The following ADAMTSL2 variants were observed in gnomAD, a reference collection of about 807,000 sequenced individuals.
ADAMTSL2 encodes ADAMTS like 2, also known as ADAMTS-like protein 2.
ADAMTSL2 carries 55 observed loss-of-function variants against 117.0 expected under a neutral mutation model. That is an observed-to-expected ratio of 0.47 (90% CI 0.38 to 0.59). The LOEUF is 0.59. ADAMTSL2 is among the 20% of genes least tolerant of loss of function. The probability of loss-of-function intolerance (pLI) is 0.00; values close to 1 mark genes in which losing one functional copy is unlikely to be tolerated. For synonymous variants in ADAMTSL2, 572 were observed against 566.4 expected (o/e 1.01, Z -0.14); for missense variants, 1,182 against 1,354.5 (o/e 0.87, Z 2.00).
Position 133,575,195 on chromosome 9 carries a change from G to A in ADAMTSL2, c.*331G>A, listed in dbSNP as rs1404663146. The A allele has an allele frequency of 5.2e-6, 2 of 384,788 alleles. No individual in the cohort carries two copies. The highest frequency in any genetic ancestry group is 2.1e-5 in the African/African-American group (1 of 48,678). 23.8% of individuals were successfully genotyped at this position (384,788 alleles called of 1,614,324 possible). A position where few individuals can be genotyped will look rare whatever the true frequency, so the allele number is the denominator to read the frequency against. On this transcript the variant is annotated 3_prime_UTR_variant, in exon 19 of 19. Transcript: ENST00000651351. The stretch of plus-strand genomic sequence containing the variant: ...GAGGGGCCCAGGGCCCACAGCCAGC[G>A]GTGGAGGTGTCTTGCTCCGGGCCCG...
At chr9:133,573,316 C>T (rs1170151886) in intron 17 of ADAMTSL2, among the ~76,000 whole-genome samples, 2 of 152,188 alleles carry the variant, frequency 1.3e-5, no homozygotes, top group African/African-American at 4.8e-5. Context: ...AGGGGAACAT[C>T]TGGACGGGGA....
chr9:133,561,264 C>G lies in ADAMTSL2; in HGVS notation c.1716C>G (p.Ser572=). The change falls in exon 12 of 19, where the codon TCC becomes TCG. Residue 572 remains serine, a synonymous_variant. Coordinates refer to ENST00000651351, the MANE Select transcript of ADAMTSL2 (RefSeq NM_014694.4). ...ACATGTACCGGTGGAAGCTCTCGTCCCACGAGCCCTGCAGTGCCACCTGCA... is the reference window on the plus strand; with the variant it reads ...ACATGTACCGGTGGAAGCTCTCGTCGCACGAGCCCTGCAGTGCCACCTGCA... ...PADMYRWKLS[S]HEPCSATCTT... The G allele has an allele frequency of 1.9e-6, 3 of 1,604,436 alleles. No homozygotes were observed. The highest frequency in any genetic ancestry group is 2.6e-6 in the Non-Finnish European group (3 of 1,176,002).
At position 133,554,689 on chromosome 9, in the gene ADAMTSL2, C is replaced by T; in HGVS notation, c.1272C>T (p.Phe424=). 6.7e-7 allele frequency: 1 copy of T among 1,488,672 alleles called. No individual in the cohort carries two copies. The highest frequency in any genetic ancestry group is 9.0e-7 in the Non-Finnish European group (1 of 1,117,158). 92.2% of individuals were successfully genotyped at this position (1,488,672 alleles called of 1,614,324 possible). The change falls in exon 10 of 19, where the codon TTC becomes TTT. Residue 424 remains phenylalanine, a synonymous_variant. Transcript: ENST00000651351. This position sits in a 1 kb window ranked among gnomAD's most constrained non-coding sequence, Gnocchi z 5.2. Reference sequence around the variant, plus strand: ...AGGGGCCCCCCAGGGGCAAGGGCTTCCGAGGTAACCAGGAGGAGGGAGGCA... The same window carrying T: ...AGGGGCCCCCCAGGGGCAAGGGCTTTCGAGGTAACCAGGAGGAGGGAGGCA... The part of the protein sequence containing the change: ...ACEGPPRGKG[F]RDRNVTGTPL...
At chr9:133,567,145 C>T (rs1830993494) in intron 13 of ADAMTSL2, 83 bp downstream of exon 13, 1 of 1,519,222 alleles carries the variant, frequency 6.6e-7, no homozygotes, top group African/African-American at 1.4e-5. Flanking sequence ...GACTTACCCC[C>T]TGCCCCGTAG....
chr9:133,536,833 T>A (rs1399417204), intron 2 of ADAMTSL2, 31 bp downstream of exon 2: 2 of 1,613,672 alleles, frequency 1.2e-6, no homozygotes, highest in East Asian at 2.2e-5. Context: ...TGAGGGCCCA[T>A]GCCAGTCCCC....
At chr9:133,556,359 T>A (rs1474509066) in intron 11 of ADAMTSL2, among the ~76,000 whole-genome samples, 1 of 152,022 alleles carries the variant, frequency 6.6e-6, no homozygotes, top group Non-Finnish European at 1.5e-5. Context: ...GAGCTAGCGG[T>A]GTATTCGAGG....
At position 133,534,761 on chromosome 9, in the gene ADAMTSL2, G is replaced by T. The variant is rs1462796053; in HGVS notation, c.-307G>T. On this transcript the variant is annotated 5_prime_UTR_variant, in exon 1 of 19. The change creates a new upstream start codon in the 5' untranslated region. Coordinates refer to ENST00000651351, the MANE Select transcript of ADAMTSL2 (RefSeq NM_014694.4). ...CTTGGATGCTCTTTGAAGTGGGAGA[G>T]GGAGGCGGCGCGGGGGAGGAGGGGA... 6.8e-7 allele frequency: 1 copy of T among 1,460,284 alleles called. No individual in the cohort carries two copies. Among genetic ancestry groups the T allele is most frequent in the South Asian group, 1.4e-5 (1 of 73,024 alleles). 90.5% of individuals were successfully genotyped at this position (1,460,284 alleles called of 1,614,324 possible).
Position 133,540,589 on chromosome 9 carries a change from C to T in ADAMTSL2, c.413-9C>T, listed in dbSNP as rs765655933. 3.1e-6 allele frequency: 5 copies of T among 1,613,168 alleles called. No individual in the cohort carries two copies. The South Asian group carries it at 4.4e-5, about 14-fold the overall frequency. On this transcript the variant is annotated splice_polypyrimidine_tract_variant and intron_variant, in intron 5 of 18. Coordinates refer to ENST00000651351, the MANE Select transcript of ADAMTSL2 (RefSeq NM_014694.4). ...GCTGAAACCTTCTGTCTTTGTCTCC[C>T]TCCACCAGATGACTATGTCCACATC...
intron 15 of ADAMTSL2, 151 bp downstream of exon 15, chr9:133,568,909 C>A: frequency 1.9e-6 from 2 of 1,032,920 alleles, no homozygotes; most frequent in East Asian, 2.6e-5. Flanking sequence ...TTATAGGAAT[C>A]AAAACTTCTC....
chr9:133,552,341 C>T (rs1034693746), intron 9 of ADAMTSL2, among the ~76,000 whole-genome samples: 3 of 151,736 alleles, frequency 2.0e-5, no homozygotes, highest in Admixed American at 6.6e-5. Flanking sequence ...GGTTGAATCT[C>T]TGCTCCTCTG....
Position 133,561,204 on chromosome 9 carries a change from G to T in ADAMTSL2, c.1656G>T (p.Arg552Ser). 6.2e-7 allele frequency: 1 copy of T among 1,606,154 alleles called. No homozygotes were observed. Among genetic ancestry groups the T allele is most frequent in the Non-Finnish European group, 8.5e-7 (1 of 1,176,854 alleles). ...AGNRTHKART[R>S]PKARKQGVSP... ...TGCTTGGTCTCGCTTTCAGGACCAG[G>T]CCCAAGGCGCGCAAGCAAGGCGTGA... is the stretch of plus-strand genomic sequence containing the variant. Residue 552 changes from arginine to serine, a missense_variant, in exon 12 of 19, where the codon AGG becomes AGT. Transcript: ENST00000651351.
At chr9:133,568,221 GGTCC>G in intron 13 of ADAMTSL2, 48 bp from the exon 14 acceptor site, 1 of 1,526,722 alleles carries the variant, frequency 6.5e-7, no homozygotes, top group Non-Finnish European at 8.8e-7. Flanking sequence ...GGTTGCATGG[GGTCC>G]CGGCTGCCAT....
In ADAMTSL2 at chr9:133,574,819, C is replaced by T. The variant is rs1831190359; in HGVS notation, c.2811C>T (p.Tyr937=). The change falls in exon 19 of 19, where the codon TAC becomes TAT. Residue 937 remains tyrosine (Y), a synonymous_variant. Coordinates refer to ENST00000651351, the MANE Select transcript of ADAMTSL2 (RefSeq NM_014694.4). The stretch of plus-strand genomic sequence containing the variant: ...AAGTGAACCTCTGCGGGCACTGGTA[C>T]TACAGCAAGGCGTGCTGCCGCTCCT... ...AIKVNLCGHW[Y]YSKACCRSCR... The T allele has an allele frequency of 4.3e-6, 7 of 1,613,660 alleles. No homozygotes were observed. In the East Asian group the frequency reaches 6.7e-5, roughly 15 times the overall value.
chr9:133,551,556 C>T (rs957572557), intron 9 of ADAMTSL2, among the ~76,000 whole-genome samples: 3 of 152,166 alleles, frequency 2.0e-5, no homozygotes, highest in African/African-American at 7.2e-5. Context: ...AGTAGGGCCT[C>T]GCAGTGTGCC....
chr9:133,540,477 C>A, intron 5 of ADAMTSL2, 121 bp from the exon 6 acceptor site: 4 of 1,377,486 alleles, frequency 2.9e-6, no homozygotes, highest in Non-Finnish European at 4.0e-6. Context: ...CTTCTGTTCT[C>A]CAGGCCTGAG....
In ADAMTSL2 at chr9:133,554,239, G is replaced by T. The variant is rs1314879827; in HGVS notation, c.940-118G>T. The stretch of plus-strand genomic sequence containing the variant: ...GGGCTAGTCAGTGTCATTCCCTGAG[G>T]GGGCTCAACTGCCAGTCACAGCAGG... On this transcript the variant is annotated intron_variant, in intron 9 of 18. Transcript: ENST00000651351. This position sits in a 1 kb window ranked among gnomAD's most constrained non-coding sequence, Gnocchi z 5.2. 2.1e-6 allele frequency: 2 copies of T among 937,016 alleles called. No homozygotes were observed. Among genetic ancestry groups the T allele is most frequent in the African/African-American group, 3.3e-5 (2 of 60,614 alleles). 58.0% of individuals were successfully genotyped at this position (937,016 alleles called of 1,614,324 possible).
At chr9:133,542,273 C>T (rs548568025) in intron 7 of ADAMTSL2, among the ~76,000 whole-genome samples, 1 of 152,170 alleles carries the variant, frequency 6.6e-6, no homozygotes, top group Non-Finnish European at 1.5e-5. Flanking sequence ...GTGAATAATG[C>T]GGGCTGGGTG....
In ADAMTSL2 at chr9:133,554,973, C is replaced by T. The variant is rs1260689296; in HGVS notation, c.1276+280C>T. Among the ~76,000 whole-genome samples the T allele has an allele frequency of 2.0e-5, 3 of 152,104 alleles. No individual in the cohort carries two copies. The highest frequency in any genetic ancestry group is 1.3e-4 in the Admixed American group (2 of 15,280). On this transcript the variant is annotated intron_variant, in intron 10 of 18. Transcript: ENST00000651351. The surrounding 1 kb of genome is among the most constrained non-coding windows in gnomAD (Gnocchi z 5.2). Reference sequence around the variant, plus strand: ...GGCTTGGCCAAGTCATGCAGTCCACCGTGGAGGAGCTGGGAGTCAAATGCA... The same window carrying T: ...GGCTTGGCCAAGTCATGCAGTCCACTGTGGAGGAGCTGGGAGTCAAATGCA...
At chr9:133,536,416 C>A in intron 1 of ADAMTSL2, 147 bp from the exon 2 acceptor site, 1 of 1,187,958 alleles carries the variant, frequency 8.4e-7, no homozygotes, top group Non-Finnish European at 1.1e-6. Flanking sequence ...TGGCATGCTT[C>A]CCTGCATGCC....
Sources: gnomAD v4.1 joint callset for allele counts (sites outside exome capture counted in the v4.1 genomes callset) on GRCh38, gnomAD v4.1.1 for gene constraint, Gnocchi (gnomAD v3.1) non-coding constraint, MANE v1.5 for transcripts, NCBI Gene and HGNC (gene_info 2026-07-23, HGNC 2026-07-21) for gene names.